The following FBXO25 variants were observed in gnomAD, a reference collection of about 807,000 sequenced individuals.
FBXO25 encodes F-box protein 25, also known as F-box only protein 25.
A neutral mutation model predicts 51.9 loss-of-function variants in FBXO25; 45 were observed. The observed-to-expected ratio is 0.87, with a 90% CI of 0.68 to 1.11. FBXO25 has a LOEUF of 1.11. Ranked by LOEUF, FBXO25 falls within the 50% of genes most tolerant of loss-of-function variation. The pLI is 0.00. For missense variants in FBXO25, 507 were observed against 428.5 expected (o/e 1.18, Z -1.62); for synonymous variants, 199 against 151.0 (o/e 1.32, Z -2.33).
At chr8:425,540 C>G (rs913209997) in intron 2 of FBXO25, among the ~76,000 whole-genome samples, 1 of 151,488 alleles carries the variant, frequency 6.6e-6, no homozygotes, top group Non-Finnish European at 1.5e-5. Flanking sequence ...AATAATTCCC[C>G]TCTTTCTTTT....
intron 2 of FBXO25, among the ~76,000 whole-genome samples, chr8:424,636 T>C (rs1485349240): frequency 6.6e-6 from 1 of 152,244 alleles, no homozygotes; most frequent in African/African-American, 2.4e-5. Context: ...TTTCCACTGC[T>C]GTTTTTGCTG....
chr8:462,696 G>A (rs1007712077), intron 8 of FBXO25, among the ~76,000 whole-genome samples: 4 of 152,082 alleles, frequency 2.6e-5, no homozygotes, highest in African/African-American at 7.2e-5. Flanking sequence ...GGTAAGCCAC[G>A]GGTACACAAA....
chr8:425,898 T>TC (rs905642978), intron 2 of FBXO25, among the ~76,000 whole-genome samples: 72 of 152,070 alleles, frequency 4.7e-4, no homozygotes, highest in African/African-American at 1.5e-3. Flanking sequence ...CCTCCTTTTT[T>TC]TTTTTTTTTT....
intron 9 of FBXO25, among the ~76,000 whole-genome samples, chr8:465,413 T>C (rs1466124501): frequency 3.3e-5 from 5 of 152,234 alleles, no homozygotes; most frequent in African/African-American, 1.2e-4. Flanking sequence ...GATACTTTTA[T>C]AGGGAAAATA....
intron 7 of FBXO25, among the ~76,000 whole-genome samples, chr8:454,898 G>A (rs11991600): frequency 0.46 from 55,738 of 121,606 alleles, 14,893 homozygotes; most frequent in African/African-American, 0.7. Context: ...CTCAAAAAAA[G>A]AAAAAGAAAA....
At chr8:453,676 A>T (rs1799236886) in intron 7 of FBXO25, among the ~76,000 whole-genome samples, 1 of 152,112 alleles carries the variant, frequency 6.6e-6, no homozygotes, top group Non-Finnish European at 1.5e-5. Flanking sequence ...TGGGGTTAGA[A>T]CAGAGCAGCT....
chr8:424,856 A>C (rs1157189034), intron 2 of FBXO25, among the ~76,000 whole-genome samples: 1 of 152,020 alleles, frequency 6.6e-6, no homozygotes, highest in African/African-American at 2.4e-5. Context: ...CTCTTTTTTC[A>C]TTCCATATGA....
Position 457,810 on chromosome 8 carries a change from A to T in FBXO25, c.661-559A>T, listed in dbSNP as rs923543089. On this transcript the variant is annotated intron_variant, in intron 7 of 9. Coordinates refer to ENST00000350302, the MANE Select transcript of FBXO25 (RefSeq NM_183420.2). ...CCAATGTAGACAGATTGCATTTATCAGTTACACCTCAATAAAGAAAAAAAC... is the reference window on the plus strand; with the variant it reads ...CCAATGTAGACAGATTGCATTTATCTGTTACACCTCAATAAAGAAAAAAAC... Among the ~76,000 whole-genome samples, 3 of 152,218 alleles carry T rather than the reference A, an allele frequency of 2.0e-5. No individual in the cohort carries two copies. In the East Asian group the frequency reaches 5.8e-4, roughly 29 times the overall value.
chr8:440,513 T>G (rs1798362429), intron 5 of FBXO25, among the ~76,000 whole-genome samples: 1 of 152,150 alleles, frequency 6.6e-6, no homozygotes, highest in African/African-American at 2.4e-5. Context: ...CGACTTTATT[T>G]CCTAAGTCTA....
At chr8:437,466 C>T (rs1169793895) in intron 5 of FBXO25, among the ~76,000 whole-genome samples, 1 of 152,236 alleles carries the variant, frequency 6.6e-6, no homozygotes, top group Admixed American at 6.5e-5. Context: ...ATCTGTGCTC[C>T]TGCTCTGTGG....
intron 3 of FBXO25, 140 bp downstream of exon 3, chr8:431,584 T>C: frequency 3.9e-6 from 2 of 517,128 alleles, no homozygotes; most frequent in South Asian, 6.1e-5. Flanking sequence ...CCTACAGATT[T>C]AGTGATCAAA....
At chr8:448,257 C>G (rs1279223452) in intron 5 of FBXO25, among the ~76,000 whole-genome samples, 1 of 152,056 alleles carries the variant, frequency 6.6e-6, no homozygotes, top group African/African-American at 2.4e-5. Flanking sequence ...TGTGAGAGGG[C>G]AAATTTTATG....
intron 8 of FBXO25, among the ~76,000 whole-genome samples, chr8:459,375 A>C (rs10093688): frequency 6.6e-6 from 1 of 152,046 alleles, no homozygotes; most frequent in African/African-American, 2.4e-5. Flanking sequence ...GCCGGACCCT[A>C]GCATGGGGAG....
intron 2 of FBXO25, among the ~76,000 whole-genome samples, chr8:428,420 T>C (rs1797620786): frequency 6.6e-6 from 1 of 152,134 alleles, no homozygotes; most frequent in African/African-American, 2.4e-5. Context: ...TTCTTTGTTT[T>C]TAACACTTCC....
intron 5 of FBXO25, among the ~76,000 whole-genome samples, chr8:440,778 C>T (rs1798379514): frequency 6.6e-6 from 1 of 150,924 alleles, no homozygotes; most frequent in Non-Finnish European, 1.5e-5. Flanking sequence ...TGATGTTCCC[C>T]TCCCTGTGCC....
intron 5 of FBXO25, among the ~76,000 whole-genome samples, chr8:442,837 T>TATA (rs1324239291): frequency 6.6e-6 from 1 of 152,206 alleles, no homozygotes; most frequent in African/African-American, 2.4e-5. Flanking sequence ...ACTTTTCTTA[T>TATA]ACAGAAAAAG....
intron 2 of FBXO25, among the ~76,000 whole-genome samples, chr8:429,245 G>A (rs1466510745): frequency 3.9e-5 from 6 of 152,066 alleles, no homozygotes; most frequent in African/African-American, 1.2e-4. Flanking sequence ...CTCATAATGA[G>A]CGTGAGGTAG....
chr8:454,669 A>T (rs1799303611), intron 7 of FBXO25, among the ~76,000 whole-genome samples: 2 of 152,172 alleles, frequency 1.3e-5, no homozygotes, highest in South Asian at 4.1e-4. Context: ...AGGTGGGCAG[A>T]TCACAAGGTC....
At chr8:421,620 G>T (rs959745543) in intron 2 of FBXO25, among the ~76,000 whole-genome samples, 3 of 152,178 alleles carry the variant, frequency 2.0e-5, no homozygotes, top group African/African-American at 4.8e-5. Flanking sequence ...CAGAGAGAGA[G>T]AAATGTGGGT....
Sources: allele counts gnomAD v4.1 joint callset (sites outside exome capture counted in the v4.1 genomes callset), GRCh38; gene constraint gnomAD v4.1.1; transcripts MANE v1.5; gene names NCBI Gene and HGNC (gene_info 2026-07-23, HGNC 2026-07-21).